Variants in PSAT1 observed in about 807,000 individuals in gnomAD.
PSAT1 encodes phosphoserine aminotransferase.
Under a neutral mutation model 40.3 loss-of-function variants are expected in PSAT1, and 41 were observed. That is an observed-to-expected ratio of 1.02 (90% confidence interval 0.79 to 1.32). The LOEUF is 1.32. Among genes scored for constraint, PSAT1 ranks in the 40% most tolerant of loss-of-function variants. PSAT1 has a pLI of 0.00. For missense variants in PSAT1, 406 were observed against 455.8 expected (o/e 0.89, Z 0.99); for synonymous variants, 147 against 170.5 (o/e 0.86, Z 1.07).
intron 1 of PSAT1, among the ~76,000 whole-genome samples, chr9:78,299,532 T>TTTTTGG (rs1828077147): frequency 6.7e-6 from 1 of 149,574 alleles, no homozygotes; most frequent in Non-Finnish European, 1.5e-5. Flanking sequence ...TTTTTTTTTT[T>TTTTTGG]GAGAGAAGTC....
rs1290278116 is a variant in PSAT1, at chr9:78,329,566, G to A, written c.*480G>A. 4 of 178,632 alleles carry A rather than the reference G, an allele frequency of 2.2e-5. No homozygotes were observed. Among genetic ancestry groups the A allele is most frequent in the Non-Finnish European group, 3.6e-5 (3 of 83,688 alleles). The allele number at this position is 178,632 out of a possible 1,614,324, so 11.1% of individuals were successfully genotyped here. A position where few individuals can be genotyped will look rare whatever the true frequency, so the allele number is the denominator to read the frequency against. On this transcript the variant is annotated 3_prime_UTR_variant, in exon 9 of 9. Transcript: ENST00000376588. ...GAGGAGTGGTTTAAGAGTGCCAGGC[G>A]AAGGGCAAACTGTAGATCGATCTTT...
intron 7 of PSAT1, 68 bp downstream of exon 7, chr9:78,317,872 C>T (rs1828372535): frequency 3.2e-6 from 5 of 1,544,546 alleles, no homozygotes; most frequent in South Asian, 1.1e-5. Context: ...TACTGTGTAC[C>T]TTTGAAAAGT....
chr9:78,304,510 C>T (rs1047377006), intron 3 of PSAT1, among the ~76,000 whole-genome samples: 10 of 152,190 alleles, frequency 6.6e-5, no homozygotes, highest in African/African-American at 1.9e-4. Context: ...GGAAGAGCTT[C>T]AGGTCAAACA....
intron 5 of PSAT1, among the ~76,000 whole-genome samples, chr9:78,307,227 C>T (rs1179293543): frequency 1.3e-5 from 2 of 152,216 alleles, no homozygotes; most frequent in Non-Finnish European, 2.9e-5. Context: ...CTGGCAGCCT[C>T]CATTCTAGTT....
At chr9:78,297,991 C>T (rs1222847617) in intron 1 of PSAT1, among the ~76,000 whole-genome samples, 1 of 151,978 alleles carries the variant, frequency 6.6e-6, no homozygotes, top group East Asian at 1.9e-4. Context: ...CCTGCTTGTC[C>T]CCTAAAGGCG....
intron 4 of PSAT1, 101 bp from the exon 5 acceptor site, chr9:78,306,213 C>A: frequency 7.7e-7 from 1 of 1,292,062 alleles, no homozygotes. Context: ...GTTAGTCTTT[C>A]CCTGCTAGGG....
At position 78,297,195 on chromosome 9, in the gene PSAT1, C is replaced by A. The variant is rs757525934; in HGVS notation, c.-16C>A. The stretch of plus-strand genomic sequence containing the variant: ...TCGGTCCTCCTTGGCTGACTCACCG[C>A]CCTGGCCGCCGCACCATGGACGCCC... On this transcript the variant is annotated 5_prime_UTR_variant, in exon 1 of 9. Coordinates refer to ENST00000376588, the MANE Select transcript of PSAT1 (RefSeq NM_058179.4). 1 of 1,594,726 alleles carries A rather than the reference C, an allele frequency of 6.3e-7. No individual in the cohort carries two copies. Among genetic ancestry groups the A allele is most frequent in the Non-Finnish European group, 8.5e-7 (1 of 1,174,812 alleles).
At chr9:78,306,560 G>A (rs1828187593) in intron 5 of PSAT1, 74 bp downstream of exon 5, 16 of 1,583,220 alleles carry the variant, frequency 1.0e-5, no homozygotes, top group Middle Eastern at 1.8e-4. Flanking sequence ...ATATACAAGA[G>A]CGGGAAGAAC....
At position 78,300,654 on chromosome 9, in the gene PSAT1, G is replaced by A. The variant is rs1828094354; in HGVS notation, c.113G>A (p.Ser38Asn). 1 of 1,566,498 alleles carries A rather than the reference G, an allele frequency of 6.4e-7. No homozygotes were observed. Among genetic ancestry groups the A allele is most frequent in the Non-Finnish European group, 8.7e-7 (1 of 1,153,902 alleles). ...TTAGACTACAAAGGAGTTGGCATTA[G>A]TGTTCTTGGTAAGATTTACTTTTGA... The part of the protein sequence containing the change: ...ELLDYKGVGI[S>N]VLEMSHRSSD... The change falls in exon 2 of 9, where the codon AGT becomes AAT. Residue 38 changes from serine (S) to asparagine (N), a missense_variant. Ser to Asn is a conservative substitution (Grantham distance 46). Coordinates refer to ENST00000376588, the MANE Select transcript of PSAT1 (RefSeq NM_058179.4).
intron 5 of PSAT1, among the ~76,000 whole-genome samples, chr9:78,306,902 C>T (rs1289359437): frequency 1.3e-5 from 2 of 152,224 alleles, no homozygotes; most frequent in African/African-American, 4.8e-5. Context: ...TTATGAGTGG[C>T]TTGCCAAGGC....
Position 78,329,357 on chromosome 9 carries a change from A to G in PSAT1, c.*271A>G, listed in dbSNP as rs566608311. ...TCCCGCGTATTTTGCCTTTGCTGCT[A>G]CTTTTTCTAGTTAGATTTCAAACTT... is the stretch of plus-strand genomic sequence containing the variant. On this transcript the variant is annotated 3_prime_UTR_variant, in exon 9 of 9. Transcript: ENST00000376588. The G allele has an allele frequency of 6.8e-6, 3 of 442,080 alleles. No homozygotes were observed. The highest frequency in any genetic ancestry group is 6.0e-5 in the African/African-American group (3 of 50,158). 27.4% of individuals were successfully genotyped at this position (442,080 alleles called of 1,614,324 possible).
chr9:78,317,582 C>A, intron 6 of PSAT1, 94 bp from the exon 7 acceptor site: 1 of 1,370,610 alleles, frequency 7.3e-7, no homozygotes, highest in Non-Finnish European at 1.0e-6. Context: ...GTGTTTAAGT[C>A]TGTTTTAATG....
intron 7 of PSAT1, among the ~76,000 whole-genome samples, chr9:78,326,849 G>A (rs1828503810): frequency 6.7e-6 from 1 of 149,732 alleles, no homozygotes; most frequent in African/African-American, 2.5e-5. Flanking sequence ...GTCTACAGTG[G>A]TTTCACATAT....
chr9:78,317,780 T>C lies in PSAT1; in HGVS notation c.845T>C (p.Ile282Thr), dbSNP rs774644137. 1.2e-5 allele frequency: 19 copies of C among 1,613,122 alleles called. No individual in the cohort carries two copies. The East Asian group carries it at 2.0e-4, about 17-fold the overall frequency. The change falls in exon 7 of 9, where the codon ATT (isoleucine) becomes ACT (threonine). Residue 282 changes from isoleucine to threonine, a missense_variant. Physicochemically the swap from Ile to Thr is moderately conservative, Grantham distance 89 (BLOSUM62 -1). Transcript: ENST00000376588. ...AAATCTCAAACAATTTATGAGATTA[T>C]TGATAATTCTCAAGGATTCTACGTG... Reference protein sequence around the residue: ...SIKSQTIYEIIDNSQGFYVCP... With the variant: ...SIKSQTIYEITDNSQGFYVCP...
chr9:78,313,833 G>A (rs750013513), intron 6 of PSAT1, among the ~76,000 whole-genome samples: 4 of 152,014 alleles, frequency 2.6e-5, no homozygotes, highest in African/African-American at 4.8e-5. Context: ...AATTTATGGC[G>A]ACAGGGTCTC....
intron 1 of PSAT1, chr9:78,298,517 C>T (rs1200650090): frequency 1.8e-5 from 15 of 811,248 alleles, no homozygotes; most frequent in Non-Finnish European, 2.1e-5. Flanking sequence ...TCATTTTAGG[C>T]GAGATTCCCT....
intron 6 of PSAT1, among the ~76,000 whole-genome samples, chr9:78,316,013 G>A (rs552444295): frequency 1.3e-5 from 2 of 152,192 alleles, no homozygotes; most frequent in African/African-American, 4.8e-5. Flanking sequence ...CCAGCTCAAG[G>A]GAGATGGTGT....
intron 2 of PSAT1, 58 bp downstream of exon 2, chr9:78,300,720 T>C: frequency 1.3e-6 from 2 of 1,504,476 alleles, no homozygotes; most frequent in Admixed American, 2.5e-5. Flanking sequence ...CTTTTTTTTT[T>C]TTTTTTTTTT....
intron 7 of PSAT1, among the ~76,000 whole-genome samples, chr9:78,326,955 A>ATATATATATATATATTT: frequency 5.3e-5 from 4 of 75,964 alleles, no homozygotes; most frequent in African/African-American, 3.8e-4. Context: ...ATATATATAT[A>ATATATATATATATATTT]TTTTTTTTTT....
Sources: gnomAD v4.1 joint callset for allele counts (sites outside exome capture counted in the v4.1 genomes callset) on GRCh38, gnomAD v4.1.1 for gene constraint, MANE v1.5 for transcripts, NCBI Gene and HGNC (gene_info 2026-07-23, HGNC 2026-07-21) for gene names.